COL22A1: variants seen among roughly 807,000 people sequenced by gnomAD.
COL22A1 encodes collagen type XXII alpha 1 chain, also known as collagen alpha-1(XXII) chain.
In COL22A1, 221 loss-of-function variants were observed where a neutral mutation model predicts 248.9. The ratio of observed to expected loss-of-function variants is 0.89; its 90% CI spans 0.80 to 0.99. The LOEUF is 0.99. Among genes scored for constraint, COL22A1 ranks in the 50% least tolerant of loss-of-function variants. The pLI, the probability that COL22A1 is intolerant of heterozygous loss-of-function variation, is 0.00. For synonymous variants in COL22A1, 891 were observed against 793.4 expected (o/e 1.12, Z -2.07); for missense variants, 2,240 against 2,179.0 (o/e 1.03, Z -0.56).
intron 64 of COL22A1, 120 bp downstream of exon 64, chr8:138,591,304 A>T (rs1817019614): frequency 2.0e-6 from 1 of 499,802 alleles, no homozygotes; most frequent in Non-Finnish European, 3.4e-6. Context: ...TCTCCTCCTC[A>T]TCTGTAGAGC....
intron 25 of COL22A1, among the ~76,000 whole-genome samples, chr8:138,723,198 AT>A (rs1563669193): frequency 2.0e-5 from 3 of 152,246 alleles, no homozygotes. Flanking sequence ...AACGTTTTTT[AT>A]AACCCTGGTG....
chr8:138,714,747 C>T (rs1680469256), intron 30 of COL22A1, among the ~76,000 whole-genome samples: 1 of 152,168 alleles, frequency 6.6e-6, no homozygotes, highest in Admixed American at 6.5e-5. Flanking sequence ...CTGTGCACTT[C>T]AGGGCACACA....
intron 48 of COL22A1, 75 bp from the exon 49 acceptor site, chr8:138,635,138 A>C: frequency 7.9e-7 from 1 of 1,259,330 alleles, no homozygotes; most frequent in South Asian, 1.4e-5. Flanking sequence ...ATCAAATTTC[A>C]GAAAACAATA....
intron 1 of COL22A1, among the ~76,000 whole-genome samples, chr8:138,887,691 A>T (rs1044009208): frequency 6.6e-6 from 1 of 152,234 alleles, no homozygotes; most frequent in Admixed American, 6.5e-5. Context: ...TATGCTACAG[A>T]GGACATCTTT....
intron 48 of COL22A1, among the ~76,000 whole-genome samples, chr8:138,635,758 G>A (rs1215090336): frequency 6.6e-6 from 1 of 151,986 alleles, no homozygotes; most frequent in African/African-American, 2.4e-5. Flanking sequence ...ACCATTCAAT[G>A]TAGAGTACAT....
chr8:138,781,281 C>T lies in COL22A1; in HGVS notation c.1597-301G>A, dbSNP rs187303936. On this transcript the variant is annotated intron_variant, in intron 12 of 64. Transcript: ENST00000303045. ...CATAGTCCTTCACTAGCTGGAGGTGCGGCCCTTCCTCGCCCTGGGCTTGGT... is the reference window on the plus strand; with the variant it reads ...CATAGTCCTTCACTAGCTGGAGGTGTGGCCCTTCCTCGCCCTGGGCTTGGT... Among the ~76,000 whole-genome samples the T allele has an allele frequency of 2.7e-3, 414 of 152,278 alleles. 2 individuals are homozygous for T. The highest frequency in any genetic ancestry group is 9.4e-3 in the African/African-American group (391 of 41,538).
chr8:138,799,635 A>G (rs940841149), intron 11 of COL22A1, among the ~76,000 whole-genome samples: 6 of 152,100 alleles, frequency 3.9e-5, no homozygotes, highest in African/African-American at 1.4e-4. Flanking sequence ...ACTCGTTTTG[A>G]AAGTCTCTTT....
In COL22A1 at chr8:138,803,801, T is replaced by A. The variant is rs572726354; in HGVS notation, c.1495-867A>T. Among the ~76,000 whole-genome samples, 328 of 152,356 alleles carry A rather than the reference T, an allele frequency of 2.2e-3. 4 individuals are homozygous for A. The highest frequency in any genetic ancestry group is 1.0e-3 in the Non-Finnish European group (68 of 68,036). ...AACAGAGCCTTCAATTCTATTCTTTTGTCTTTGTTCTTGATCTGAAACTTT... is the reference window on the plus strand; with the variant it reads ...AACAGAGCCTTCAATTCTATTCTTTAGTCTTTGTTCTTGATCTGAAACTTT... On this transcript the variant is annotated intron_variant, in intron 10 of 64. Transcript: ENST00000303045.
chr8:138,784,516 A>G (rs1280300508), intron 12 of COL22A1, among the ~76,000 whole-genome samples: 1 of 152,180 alleles, frequency 6.6e-6, no homozygotes, highest in Admixed American at 6.5e-5. Flanking sequence ...TGGAATTTAA[A>G]TTTTAAAATC....
At chr8:138,891,218 T>C (rs898510566) in intron 1 of COL22A1, among the ~76,000 whole-genome samples, 16 of 152,184 alleles carry the variant, frequency 1.1e-4, no homozygotes, top group Admixed American at 5.2e-4. Context: ...AGAAGAAAGA[T>C]ATCTCATCTG....
chr8:138,881,973 T>A (rs895701963), intron 2 of COL22A1, among the ~76,000 whole-genome samples: 7 of 152,108 alleles, frequency 4.6e-5, no homozygotes, highest in Non-Finnish European at 1.0e-4. Context: ...GGCCTTCTCA[T>A]CTCCAGTCAA....
At chr8:138,630,970 T>TA (rs1241581808) in intron 49 of COL22A1, among the ~76,000 whole-genome samples, 2 of 152,158 alleles carry the variant, frequency 1.3e-5, no homozygotes, top group African/African-American at 4.8e-5. Context: ...CCCTTGGTGA[T>TA]AAGTGAGCCC....
chr8:138,676,982 T>C (rs984730389), intron 40 of COL22A1, among the ~76,000 whole-genome samples: 2 of 152,194 alleles, frequency 1.3e-5, no homozygotes, highest in South Asian at 2.1e-4. Flanking sequence ...ATCCTAACTA[T>C]ACCCCAGATT....
intron 2 of COL22A1, among the ~76,000 whole-genome samples, chr8:138,878,779 G>A (rs112976606): frequency 0.038 from 5,837 of 152,216 alleles, 407 homozygotes; most frequent in African/African-American, 0.13. Context: ...AGGCCAAGGC[G>A]GGTGGATCAC....
chr8:138,771,934 C>T (rs1389555136), intron 16 of COL22A1, among the ~76,000 whole-genome samples: 2 of 152,152 alleles, frequency 1.3e-5, no homozygotes, highest in Non-Finnish European at 2.9e-5. Flanking sequence ...CTCCAGGAAG[C>T]GTGGAGATCA....
chr8:138,649,980 C>T (rs560873757), intron 45 of COL22A1, among the ~76,000 whole-genome samples: 1 of 152,290 alleles, frequency 6.6e-6, no homozygotes, highest in South Asian at 2.1e-4. Context: ...CCTTTCTTAA[C>T]TAAAAGTTAG....
At chr8:138,649,840 A>T (rs865901981) in intron 45 of COL22A1, 62 bp from the exon 46 acceptor site, 3 of 1,030,552 alleles carry the variant, frequency 2.9e-6, no homozygotes, top group South Asian at 3.3e-5. Flanking sequence ...GTTTCAAAGC[A>T]AAGCAAAGTA....
chr8:138,688,889 G>A lies in COL22A1; in HGVS notation c.2862+28C>T, dbSNP rs745932187. On this transcript the variant is annotated intron_variant, in intron 37 of 64. Coordinates refer to ENST00000303045, the MANE Select transcript of COL22A1 (RefSeq NM_152888.3). ...TGTAAGAAGTTAAGGATATTCACTT[G>A]TGTGCTGAGAGATCATATTGGTCTT... The A allele has an allele frequency of 1.4e-5, 23 of 1,597,230 alleles. 1 individual carries two copies. The highest frequency in any genetic ancestry group is 2.6e-6 in the Non-Finnish European group (3 of 1,164,794).
chr8:138,647,200 A>G (rs1424240280), intron 46 of COL22A1, among the ~76,000 whole-genome samples: 1 of 152,252 alleles, frequency 6.6e-6, no homozygotes, highest in East Asian at 1.9e-4. Context: ...CCCATGTGGT[A>G]AGGAACTGAG....
Sources: gnomAD v4.1 joint callset for allele counts (sites outside exome capture counted in the v4.1 genomes callset) on GRCh38, gnomAD v4.1.1 for gene constraint, MANE v1.5 for transcripts, NCBI Gene and HGNC (gene_info 2026-07-23, HGNC 2026-07-21) for gene names.